The following KCNE1 variants were observed in gnomAD, a reference collection of about 807,000 sequenced individuals.
KCNE1 encodes the protein potassium voltage-gated channel subfamily E regulatory subunit 1.
Under a neutral mutation model 2.9 loss-of-function variants are expected in KCNE1, and 1 was observed. The observed-to-expected ratio is 0.34, with a 90% CI of 0.12 to 1.62. KCNE1 has a LOEUF of 1.62. Ranked by LOEUF, KCNE1 falls within the 40% of genes most tolerant of loss-of-function variation. KCNE1 has a pLI of 0.36. For missense variants in KCNE1, 45 were observed against 150.5 expected (o/e 0.30, Z 3.67); for synonymous variants, 23 against 65.4 (o/e 0.35, Z 3.13).
chr21:34,503,289 C>T (rs549999518), intron 2 of KCNE1, among the ~76,000 whole-genome samples: 1 of 152,200 alleles, frequency 6.6e-6, no homozygotes, highest in South Asian at 2.1e-4. Context: ...AGGGACATTA[C>T]AAAGGGTAAA....
intron 2 of KCNE1, among the ~76,000 whole-genome samples, chr21:34,495,735 G>A (rs553854872): frequency 6.6e-6 from 1 of 151,780 alleles, no homozygotes; most frequent in Non-Finnish European, 1.5e-5. Flanking sequence ...CTTCTGTTTT[G>A]TTTCTAATTG....
Position 34,512,014 on chromosome 21 carries a change from C to T in KCNE1, c.-377+13G>A, listed in dbSNP as rs41315351. The T allele has an allele frequency of 3.1e-3, 468 of 152,452 alleles. 7 individuals carry two copies. The highest frequency in any genetic ancestry group is 6.8e-3 in the Middle Eastern group (2 of 296). The allele number at this position is 152,452 out of a possible 1,614,324, so 9.4% of individuals were successfully genotyped here. A position where few individuals can be genotyped will look rare whatever the true frequency, so the allele number is the denominator to read the frequency against. On this transcript the variant is annotated intron_variant, in intron 1 of 3. Coordinates refer to ENST00000399286, the MANE Select transcript of KCNE1 (RefSeq NM_000219.6). Reference sequence around the variant, plus strand: ...TTTCTGCCTGGCCTAGTATGGCTCTCCTTCGAACTCACCTAGACCCTTGCA... The same window carrying T: ...TTTCTGCCTGGCCTAGTATGGCTCTTCTTCGAACTCACCTAGACCCTTGCA...
chr21:34,499,106 C>G (rs1982993475), intron 2 of KCNE1, among the ~76,000 whole-genome samples: 1 of 152,122 alleles, frequency 6.6e-6, no homozygotes, highest in South Asian at 2.1e-4. Context: ...GGTTCTCAGG[C>G]CAATGGGGCT....
chr21:34,495,446 T>C (rs1441155272), intron 2 of KCNE1, among the ~76,000 whole-genome samples: 1 of 39,476 alleles, frequency 2.5e-5, no homozygotes, highest in African/African-American at 1.0e-4. Context: ...ATAGTTTCAG[T>C]AAGATTGGTA....
At chr21:34,509,035 A>G (rs894594014) in intron 2 of KCNE1, among the ~76,000 whole-genome samples, 5 of 152,192 alleles carry the variant, frequency 3.3e-5, no homozygotes, top group African/African-American at 9.7e-5. Context: ...CAAATTCATC[A>G]CCTTGGTTTC....
intron 2 of KCNE1, among the ~76,000 whole-genome samples, chr21:34,502,840 T>C (rs1477579299): frequency 1.3e-5 from 2 of 152,258 alleles, no homozygotes; most frequent in African/African-American, 4.8e-5. Context: ...CACAGCAGTT[T>C]CCCTTAAGCA....
intron 2 of KCNE1, among the ~76,000 whole-genome samples, chr21:34,504,254 T>C (rs997240850): frequency 3.9e-5 from 6 of 152,054 alleles, no homozygotes; most frequent in Admixed American, 6.6e-5. Flanking sequence ...AGTGAGAAGG[T>C]AGGATGTTGC....
intron 2 of KCNE1, among the ~76,000 whole-genome samples, chr21:34,495,565 T>C (rs1348784181): frequency 1.6e-5 from 2 of 124,070 alleles, no homozygotes; most frequent in African/African-American, 3.1e-5. Flanking sequence ...TACTTGTTAT[T>C]GGTCTGTTCA....
At chr21:34,505,531 A>C (rs999242593) in intron 2 of KCNE1, among the ~76,000 whole-genome samples, 1 of 151,726 alleles carries the variant, frequency 6.6e-6, no homozygotes, top group East Asian at 1.9e-4. Context: ...CTGGAGGGAG[A>C]GTGTGAGGCA....
At chr21:34,496,423 G>A (rs554147916) in intron 2 of KCNE1, among the ~76,000 whole-genome samples, 11 of 152,268 alleles carry the variant, frequency 7.2e-5, no homozygotes, top group African/African-American at 2.4e-4. Flanking sequence ...TTGACCCAAA[G>A]GTCATTCAGG....
chr21:34,501,591 G>T (rs903988014), intron 2 of KCNE1, among the ~76,000 whole-genome samples: 4 of 152,216 alleles, frequency 2.6e-5, no homozygotes, highest in Non-Finnish European at 5.9e-5. Context: ...GACCCTAAGG[G>T]CAGGATAGAG....
intron 2 of KCNE1, chr21:34,510,462 A>G (rs947759268): frequency 4.6e-5 from 7 of 152,340 alleles, no homozygotes; most frequent in African/African-American, 1.7e-4. Flanking sequence ...TGGTGGGTGC[A>G]CACTTGTCTG....
chr21:34,510,167 C>G (rs1354492796), intron 2 of KCNE1: 1 of 152,514 alleles, frequency 6.6e-6, no homozygotes, highest in Non-Finnish European at 1.5e-5. Context: ...GCTGGGGGCT[C>G]ACTTCGTGCT....
intron 2 of KCNE1, among the ~76,000 whole-genome samples, chr21:34,496,616 G>A (rs540721285): frequency 2.3e-4 from 35 of 152,268 alleles, no homozygotes; most frequent in Admixed American, 9.2e-4. Flanking sequence ...ATGTGCTGAC[G>A]AAAAGAATGT....
chr21:34,495,505 C>T (rs1239725731), intron 2 of KCNE1, among the ~76,000 whole-genome samples: 1 of 74,640 alleles, frequency 1.3e-5, no homozygotes, highest in Admixed American at 1.6e-4. Context: ...CCATCTGGTC[C>T]TGGACTTTTT....
intron 2 of KCNE1, among the ~76,000 whole-genome samples, chr21:34,508,276 C>T (rs1983624590): frequency 6.6e-6 from 1 of 151,980 alleles, no homozygotes; most frequent in Admixed American, 6.6e-5. Context: ...AATCTGCCCG[C>T]CTCGGCTTTC....
At chr21:34,498,624 C>G (rs190832840) in intron 2 of KCNE1, among the ~76,000 whole-genome samples, 1 of 152,358 alleles carries the variant, frequency 6.6e-6, no homozygotes, top group East Asian at 1.9e-4. Flanking sequence ...GAAGTAGACT[C>G]TCTGAGAGCC....
chr21:34,504,461 G>C (rs976421999), intron 2 of KCNE1, among the ~76,000 whole-genome samples: 1 of 152,154 alleles, frequency 6.6e-6, no homozygotes, highest in Admixed American at 6.5e-5. Flanking sequence ...ACACTCCTAC[G>C]CTGCTGGTGG....
At chr21:34,503,958 C>T (rs1317707707) in intron 2 of KCNE1, among the ~76,000 whole-genome samples, 1 of 152,214 alleles carries the variant, frequency 6.6e-6, no homozygotes, top group Non-Finnish European at 1.5e-5. Flanking sequence ...CATTCAAATA[C>T]ATGTACATGC....
Sources: allele counts gnomAD v4.1 joint callset (sites outside exome capture counted in the v4.1 genomes callset), GRCh38; gene constraint gnomAD v4.1.1; transcripts MANE v1.5; gene names NCBI Gene and HGNC (gene_info 2026-07-23, HGNC 2026-07-21).